The following RRM2B variants were observed in gnomAD, a reference collection of about 807,000 sequenced individuals.
RRM2B encodes the protein ribonucleotide reductase regulatory TP53 inducible subunit M2B.
In RRM2B, 20 loss-of-function variants were observed where a neutral mutation model predicts 45.9. The ratio of observed to expected loss-of-function variants is 0.44; its 90% CI spans 0.31 to 0.63. The LOEUF is 0.63. RRM2B is among the 30% of genes least tolerant of loss of function. The pLI is 0.09. For synonymous variants in RRM2B, 124 were observed against 132.3 expected, an observed-to-expected ratio of 0.94 and a Z score of 0.43; for missense variants, 320 against 414.7, an observed-to-expected ratio of 0.77 and a Z score of 1.98.
At chr8:102,214,188 A>G (rs777316253) in intron 6 of RRM2B, 30 bp from the exon 7 acceptor site, 2 of 1,453,762 alleles carry the variant, frequency 1.4e-6, no homozygotes, top group Non-Finnish European at 9.7e-7. Context: ...TCATTGTCAA[A>G]TAACTTTTAA....
chr8:102,226,900 G>C lies in RRM2B; in HGVS notation c.205-866C>G, dbSNP rs139778331. On this transcript the variant is annotated intron_variant, in intron 2 of 8. Coordinates refer to ENST00000251810, the MANE Select transcript of RRM2B (RefSeq NM_015713.5). ...AGCTAATTATTTGTATTTTTTAGTA[G>C]AGACGGAGTTTCACCATGTTGGCCA... Among the ~76,000 whole-genome samples, 269 of 152,188 alleles carry C rather than the reference G, an allele frequency of 1.8e-3. 1 individual carries two copies. Among genetic ancestry groups the C allele is most frequent in the African/African-American group, 6.3e-3 (261 of 41,512 alleles).
chr8:102,223,750 AC>A (rs1272952897), intron 5 of RRM2B, among the ~76,000 whole-genome samples: 1 of 151,952 alleles, frequency 6.6e-6, no homozygotes, highest in African/African-American at 2.4e-5. Flanking sequence ...CCAGATACAA[AC>A]TGTGAATTGC....
chr8:102,214,432 A>G, intron 6 of RRM2B: 1 of 383,234 alleles, frequency 2.6e-6, no homozygotes, highest in Non-Finnish European at 5.0e-6. Flanking sequence ...TGCAAATAAA[A>G]GCATTTTGGA....
rs1810547191 is a variant in RRM2B at position 102,206,568 on chromosome 8, A to G, written c.*1565T>C. On this transcript the variant is annotated 3_prime_UTR_variant, in exon 9 of 9. Transcript: ENST00000251810. ...GAGCCAAAATTTATGCAAAGAGAAAATCTCTAAGTTTTAGCATCCAGAATT... is the reference window on the plus strand; with the variant it reads ...GAGCCAAAATTTATGCAAAGAGAAAGTCTCTAAGTTTTAGCATCCAGAATT... 2 of 152,296 alleles carry G rather than the reference A, an allele frequency of 1.3e-5. No homozygotes were observed. Among genetic ancestry groups the G allele is most frequent in the South Asian group, 4.1e-4 (2 of 4,824 alleles). 9.4% of individuals were successfully genotyped at this position (152,296 alleles called of 1,614,324 possible).
In RRM2B at chr8:102,207,324, G is replaced by A. The variant is rs1237539933; in HGVS notation, c.*809C>T. 2.0e-5 allele frequency: 3 copies of A among 152,092 alleles called. No homozygotes were observed. Among genetic ancestry groups the A allele is most frequent in the Non-Finnish European group, 4.4e-5 (3 of 68,020 alleles). 9.4% of individuals were successfully genotyped at this position (152,092 alleles called of 1,614,324 possible). On this transcript the variant is annotated 3_prime_UTR_variant, in exon 9 of 9. Transcript: ENST00000251810. ...ATATTCTTTGGAAAATGCTATTCTA[G>A]CCTGATTCTAAACATTCCAGAGCTA...
chr8:102,236,537 A>G (rs1811123594), intron 1 of RRM2B, among the ~76,000 whole-genome samples: 1 of 152,168 alleles, frequency 6.6e-6, no homozygotes, highest in Non-Finnish European at 1.5e-5. Context: ...CACCAGCCTG[A>G]GGTGTTGGCC....
At chr8:102,223,525 C>A (rs1170748222) in intron 5 of RRM2B, among the ~76,000 whole-genome samples, 1 of 151,916 alleles carries the variant, frequency 6.6e-6, no homozygotes, top group Non-Finnish European at 1.5e-5. Context: ...AAACCCCCAT[C>A]TCTATTAAAA....
chr8:102,238,234 G>A (rs1284665875), intron 1 of RRM2B, among the ~76,000 whole-genome samples: 3 of 152,156 alleles, frequency 2.0e-5, no homozygotes, highest in African/African-American at 7.2e-5. Flanking sequence ...CACTTCCATT[G>A]TATAAAGGAA....
intron 6 of RRM2B, among the ~76,000 whole-genome samples, chr8:102,215,238 C>A (rs1017750594): frequency 6.6e-6 from 1 of 151,438 alleles, no homozygotes; most frequent in African/African-American, 2.4e-5. Flanking sequence ...CCTGGCAAAA[C>A]CCCATCTCTG....
chr8:102,238,716 C>T, intron 1 of RRM2B, 111 bp downstream of exon 1: 1 of 1,580,004 alleles, frequency 6.3e-7, no homozygotes, highest in Non-Finnish European at 8.6e-7. Context: ...GGCGGGCGGA[C>T]AGGCCTGTCC....
At position 102,212,564 on chromosome 8, in the gene RRM2B, T is replaced by C. The variant is rs562639000; in HGVS notation, c.903+212A>G. Among the ~76,000 whole-genome samples the C allele has an allele frequency of 2.6e-5, 4 of 152,350 alleles. No homozygotes were observed. In the South Asian group the frequency reaches 6.2e-4, roughly 24 times the overall value. On this transcript the variant is annotated intron_variant, in intron 8 of 8. Transcript: ENST00000251810. ...ATTGCAAAATAATTTATTGAGCTTA[T>C]TAGTTCTAATATTTTACCAGCCTCC...
In RRM2B at chr8:102,238,345, CGTGTCCCCTTCTACCT is replaced by C. The variant is rs1811159784; in HGVS notation, c.48+466_48+481del. The C allele has an allele frequency of 8.2e-6, 3 of 364,368 alleles. No homozygotes were observed. The Admixed American group carries it at 1.2e-4, about 14-fold the overall frequency. 22.6% of individuals were successfully genotyped at this position (364,368 alleles called of 1,614,324 possible). A position where few individuals can be genotyped will look rare whatever the true frequency, so the allele number is the denominator to read the frequency against. On this transcript the variant is annotated intron_variant, in intron 1 of 8. Transcript: ENST00000251810. ...CACTGGGAGGAGGTCATGAGGATTT[CGTGTCCCCTTCTACCT>C]GTCATCTTCACCCCAGCCACCTGTG... is the stretch of plus-strand genomic sequence containing the variant.
chr8:102,227,117 G>A (rs144081730), intron 2 of RRM2B, among the ~76,000 whole-genome samples: 237 of 151,960 alleles, frequency 1.6e-3, no homozygotes, highest in African/African-American at 5.4e-3. Context: ...CAAAGTGTTG[G>A]GATTACAGGT....
rs147670870 is a variant in RRM2B at position 102,212,043 on chromosome 8, A to G, written c.903+733T>C. Among the ~76,000 whole-genome samples the G allele has an allele frequency of 3.3e-5, 5 of 152,292 alleles. No individual in the cohort carries two copies. In the East Asian group the frequency reaches 9.6e-4, roughly 29 times the overall value. On this transcript the variant is annotated intron_variant, in intron 8 of 8. Coordinates refer to ENST00000251810, the MANE Select transcript of RRM2B (RefSeq NM_015713.5). ...ATTACCATGGTATAGTACATAGTGA[A>G]TTTCTGTGTTTCACTTAAGTACAAA...
chr8:102,222,488 G>A (rs373408116), intron 5 of RRM2B, among the ~76,000 whole-genome samples: 1 of 152,110 alleles, frequency 6.6e-6, no homozygotes, highest in Non-Finnish European at 1.5e-5. Flanking sequence ...TCTTCAGTGT[G>A]GTCCAAGAGT....
chr8:102,230,326 C>T (rs1382642620), intron 2 of RRM2B, among the ~76,000 whole-genome samples: 1 of 152,184 alleles, frequency 6.6e-6, no homozygotes, highest in African/African-American at 2.4e-5. Flanking sequence ...AGAACACGTA[C>T]CAACCTGTAG....
rs1249779163 is a variant in RRM2B at position 102,231,031 on chromosome 8, A to C, written c.204+1118T>G. On this transcript the variant is annotated intron_variant, in intron 2 of 8. Transcript: ENST00000251810. ...CATTTATAGAATTAATGTCTTGAAAAATAGATTCAAATCTATCTATCCAAA... is the reference window on the plus strand; with the variant it reads ...CATTTATAGAATTAATGTCTTGAAACATAGATTCAAATCTATCTATCCAAA... Among the ~76,000 whole-genome samples the C allele has an allele frequency of 2.6e-5, 4 of 152,228 alleles. No individual in the cohort carries two copies. In the East Asian group the frequency reaches 7.7e-4, roughly 29 times the overall value.
chr8:102,217,699 C>T (rs1412462658), intron 6 of RRM2B, among the ~76,000 whole-genome samples: 3 of 152,018 alleles, frequency 2.0e-5, no homozygotes, highest in African/African-American at 7.2e-5. Context: ...ACAATACATG[C>T]TATGGACTCC....
At position 102,237,096 on chromosome 8, in the gene RRM2B, C is replaced by T. The variant is rs145638912; in HGVS notation, c.48+1731G>A. Among the ~76,000 whole-genome samples the T allele has an allele frequency of 6.6e-5, 10 of 152,336 alleles. No individual in the cohort carries two copies. In the East Asian group the frequency reaches 1.7e-3, roughly 26 times the overall value. On this transcript the variant is annotated intron_variant, in intron 1 of 8. Coordinates refer to ENST00000251810, the MANE Select transcript of RRM2B (RefSeq NM_015713.5). ...TCTGACGGAACCAATGGGATACCCG[C>T]CCAGGTGCAAGAACTTGGTTTTAAA... is the stretch of plus-strand genomic sequence containing the variant.
Sources: allele counts gnomAD v4.1 joint callset (sites outside exome capture counted in the v4.1 genomes callset), GRCh38; gene constraint gnomAD v4.1.1; transcripts MANE v1.5; gene names NCBI Gene and HGNC (gene_info 2026-07-23, HGNC 2026-07-21).